The following LPP variants were observed in gnomAD, a reference collection of about 807,000 sequenced individuals.
LPP encodes lipoma-preferred partner.
A neutral mutation model predicts 60.4 loss-of-function variants in LPP; 38 were observed. The observed-to-expected ratio is 0.63, with a 90% CI of 0.49 to 0.83. The LOEUF is 0.83. Among genes scored for constraint, LPP ranks in the 40% least tolerant of loss-of-function variants. The probability of loss-of-function intolerance (pLI) is 0.00; values close to 1 mark genes in which losing one functional copy is unlikely to be tolerated. For missense variants in LPP, 902 were observed against 783.6 expected (o/e 1.15, Z -1.80); for synonymous variants, 328 against 290.8 (o/e 1.13, Z -1.30).
intron 2 of LPP, among the ~76,000 whole-genome samples, chr3:188,252,328 C>T (rs1347646859): frequency 1.4e-5 from 2 of 139,664 alleles, no homozygotes; most frequent in African/African-American, 5.3e-5. Context: ...TTCTTCTTCT[C>T]TCCCTCCCTC....
rs1002643931 is a variant in LPP at position 188,882,864 on chromosome 3, G to C, written c.*8385G>C. On this transcript the variant is annotated 3_prime_UTR_variant, in exon 12 of 12. Coordinates refer to ENST00000617246, the MANE Select transcript of LPP (RefSeq NM_001375462.1). ...CGCCATTCTCCTGCCTCAGCCTCCC[G>C]AGTAGCTGGGACTACAGACGCCCGC... 2.8e-5 allele frequency: 5 copies of C among 181,202 alleles called. No individual in the cohort carries two copies. Among genetic ancestry groups the C allele is most frequent in the African/African-American group, 1.2e-4 (5 of 42,498 alleles). The allele number at this position is 181,202 out of a possible 1,614,324, so 11.2% of individuals were successfully genotyped here.
At chr3:188,368,117 A>T (rs1372267149) in intron 3 of LPP, among the ~76,000 whole-genome samples, 3 of 152,190 alleles carry the variant, frequency 2.0e-5, no homozygotes, top group Admixed American at 6.5e-5. Flanking sequence ...AACCTTTCAG[A>T]GCTTAATAAT....
intron 2 of LPP, among the ~76,000 whole-genome samples, chr3:188,265,870 G>GGGGT (rs1553843643): frequency 7.0e-6 from 1 of 143,324 alleles, no homozygotes; most frequent in Admixed American, 7.0e-5. Context: ...GGATTACTCT[G>GGGGT]GTGTGTGTGT....
intron 9 of LPP, among the ~76,000 whole-genome samples, chr3:188,842,652 T>G (rs1317422626): frequency 6.6e-6 from 1 of 151,914 alleles, no homozygotes; most frequent in African/African-American, 2.4e-5. Flanking sequence ...CTATTTTTAT[T>G]TATTCATTTT....
intron 7 of LPP, among the ~76,000 whole-genome samples, chr3:188,657,195 C>T (rs1265841225): frequency 7.0e-6 from 1 of 142,660 alleles, no homozygotes; most frequent in Non-Finnish European, 1.5e-5. Context: ...CCTCTTTCCC[C>T]TCGAGCATGC....
chr3:188,325,546 G>T (rs190174741), intron 2 of LPP, among the ~76,000 whole-genome samples: 1 of 152,152 alleles, frequency 6.6e-6, no homozygotes, highest in Admixed American at 6.6e-5. Context: ...TACAAAGCAT[G>T]TATGGTTCTC....
intron 2 of LPP, chr3:188,239,885 C>T (rs1577471254): frequency 4.8e-6 from 1 of 209,528 alleles, no homozygotes; most frequent in Non-Finnish European, 9.7e-6. Flanking sequence ...GCTTTCATTT[C>T]TAATGAAATT....
At chr3:188,396,947 G>A (rs1781093723) in intron 3 of LPP, among the ~76,000 whole-genome samples, 1 of 152,196 alleles carries the variant, frequency 6.6e-6, no homozygotes, top group Non-Finnish European at 1.5e-5. Flanking sequence ...AGAAACTGAG[G>A]TCCAGAGAGA....
At chr3:188,749,656 A>G (rs1727443756) in intron 8 of LPP, among the ~76,000 whole-genome samples, 1 of 152,162 alleles carries the variant, frequency 6.6e-6, no homozygotes, top group Non-Finnish European at 1.5e-5. Flanking sequence ...CAAGTCATGT[A>G]CAAGGTCATT....
intron 1 of LPP, among the ~76,000 whole-genome samples, chr3:188,199,598 A>G (rs1480824992): frequency 2.6e-5 from 4 of 152,186 alleles, no homozygotes; most frequent in Non-Finnish European, 5.9e-5. Context: ...CGCTATAACC[A>G]TGCTTCATTG....
chr3:188,517,940 T>A (rs1817846049), intron 5 of LPP, among the ~76,000 whole-genome samples: 1 of 152,124 alleles, frequency 6.6e-6, no homozygotes, highest in Admixed American at 6.5e-5. Context: ...ATAGGACAGC[T>A]GATTGTTTAA....
At chr3:188,814,687 C>A (rs941688893) in intron 9 of LPP, among the ~76,000 whole-genome samples, 4 of 152,174 alleles carry the variant, frequency 2.6e-5, no homozygotes, top group Admixed American at 6.5e-5. Flanking sequence ...GATGTATTTT[C>A]CATTCCATCT....
intron 2 of LPP, among the ~76,000 whole-genome samples, chr3:188,318,993 C>T (rs1756122062): frequency 2.6e-5 from 4 of 151,832 alleles, no homozygotes; most frequent in Admixed American, 1.3e-4. Flanking sequence ...CTCCTGACCT[C>T]GTGATCCGCC....
At chr3:188,421,827 C>T (rs780942449) in intron 4 of LPP, among the ~76,000 whole-genome samples, 32 of 152,170 alleles carry the variant, frequency 2.1e-4, no homozygotes, top group Non-Finnish European at 2.2e-4. Context: ...TAAACATGTC[C>T]GGTAAAATGC....
chr3:188,640,606 A>G (rs973372618), intron 7 of LPP, among the ~76,000 whole-genome samples: 1 of 151,488 alleles, frequency 6.6e-6, no homozygotes, highest in African/African-American at 2.4e-5. Context: ...ACCTTAATTT[A>G]TGAAAATCCA....
At chr3:188,388,658 C>T (rs1292005926) in intron 3 of LPP, among the ~76,000 whole-genome samples, 1 of 152,200 alleles carries the variant, frequency 6.6e-6, no homozygotes, top group African/African-American at 2.4e-5. Flanking sequence ...GAAAAACTTA[C>T]ATCATGAGTA....
At chr3:188,585,336 G>A (rs2151029833) in intron 6 of LPP, among the ~76,000 whole-genome samples, 1 of 152,208 alleles carries the variant, frequency 6.6e-6, no homozygotes, top group East Asian at 1.9e-4. Flanking sequence ...CTCTTAAGAT[G>A]CATCATTTTA....
intron 7 of LPP, among the ~76,000 whole-genome samples, chr3:188,677,872 T>A (rs2149331027): frequency 6.6e-6 from 1 of 152,118 alleles, no homozygotes; most frequent in Non-Finnish European, 1.5e-5. Context: ...GTCTGGGTGG[T>A]TGCCTGGGAT....
chr3:188,241,185 T>C (rs548863102), intron 2 of LPP, among the ~76,000 whole-genome samples: 2 of 152,260 alleles, frequency 1.3e-5, no homozygotes, highest in African/African-American at 2.4e-5. Flanking sequence ...AGGTGGTGGG[T>C]ATGGATAGAA....
Sources: allele counts gnomAD v4.1 joint callset (sites outside exome capture counted in the v4.1 genomes callset), GRCh38; gene constraint gnomAD v4.1.1; transcripts MANE v1.5; gene names NCBI Gene and HGNC (gene_info 2026-07-23, HGNC 2026-07-21).